IQCM: variants seen among roughly 807,000 people sequenced by gnomAD.
The protein encoded by IQCM is IQ domain-containing protein M.
Under a neutral mutation model 57.6 loss-of-function variants are expected in IQCM, and 45 were observed. That is an observed-to-expected ratio of 0.78 (90% CI 0.62 to 1.00). The LOEUF (loss-of-function observed/expected upper bound fraction) is 1.00. IQCM is among the 50% of genes least tolerant of loss of function. The pLI is 0.00. For synonymous variants in IQCM, 148 were observed against 158.9 expected (o/e 0.93, Z 0.51); for missense variants, 468 against 511.6 (o/e 0.91, Z 0.82).
At chr4:149,419,812 C>T (rs1436538461) in intron 13 of IQCM, among the ~76,000 whole-genome samples, 1 of 151,974 alleles carries the variant, frequency 6.6e-6, no homozygotes, top group African/African-American at 2.4e-5. Context: ...ACAAAAAACC[C>T]TATTAAAAAG....
chr4:149,455,875 T>A (rs950704610), intron 12 of IQCM, among the ~76,000 whole-genome samples: 4 of 151,776 alleles, frequency 2.6e-5, no homozygotes, highest in African/African-American at 9.7e-5. Context: ...CTAGGGAGAT[T>A]GAGGCAGGAG....
At chr4:149,453,381 G>A (rs552349284) in intron 12 of IQCM, among the ~76,000 whole-genome samples, 4 of 151,400 alleles carry the variant, frequency 2.6e-5, no homozygotes, top group Middle Eastern at 3.4e-3. Flanking sequence ...AAACAAAAAC[G>A]AAAAAGAAAC....
At chr4:149,701,756 T>C (rs1182499278) in intron 5 of IQCM, among the ~76,000 whole-genome samples, 4 of 151,990 alleles carry the variant, frequency 2.6e-5, no homozygotes, top group Non-Finnish European at 5.9e-5. Context: ...TAGAGTCAGA[T>C]GGGAATTTTT....
intron 13 of IQCM, among the ~76,000 whole-genome samples, chr4:149,389,034 T>C (rs905120262): frequency 5.3e-5 from 8 of 151,838 alleles, no homozygotes; most frequent in African/African-American, 1.9e-4. Context: ...TGTGCTTTTT[T>C]TGTCTCATAG....
At chr4:149,513,446 A>G (rs756196387) in intron 12 of IQCM, among the ~76,000 whole-genome samples, 3 of 152,176 alleles carry the variant, frequency 2.0e-5, no homozygotes, top group Non-Finnish European at 4.4e-5. Flanking sequence ...GAAGGACCAC[A>G]TTTATCCATT....
At chr4:149,657,256 G>C (rs1759720335) in intron 7 of IQCM, among the ~76,000 whole-genome samples, 1 of 152,114 alleles carries the variant, frequency 6.6e-6, no homozygotes, top group African/African-American at 2.4e-5. Flanking sequence ...ATATGACTGA[G>C]ATCACATGGT....
chr4:149,452,213 G>GA (rs1737193978), intron 12 of IQCM, among the ~76,000 whole-genome samples: 1 of 151,400 alleles, frequency 6.6e-6, no homozygotes, highest in African/African-American at 2.4e-5. Context: ...TAAATGGGGA[G>GA]ATATGTCATA....
intron 7 of IQCM, among the ~76,000 whole-genome samples, chr4:149,674,749 C>G (rs1761604397): frequency 6.6e-6 from 1 of 152,070 alleles, no homozygotes. Context: ...AGCAGTTGAA[C>G]ATGAGCTGGA....
chr4:149,792,009 T>C (rs1253522158), intron 2 of IQCM, among the ~76,000 whole-genome samples: 1 of 152,180 alleles, frequency 6.6e-6, no homozygotes, highest in South Asian at 2.1e-4. Flanking sequence ...ACTAAACTGA[T>C]GCAAATAGGA....
intron 9 of IQCM, among the ~76,000 whole-genome samples, chr4:149,580,735 G>A (rs1026691658): frequency 6.6e-6 from 1 of 151,698 alleles, no homozygotes; most frequent in African/African-American, 2.4e-5. Flanking sequence ...TTTCAATTTT[G>A]AAAAGTTGTT....
chr4:149,685,639 C>G (rs963205044), intron 6 of IQCM, among the ~76,000 whole-genome samples: 1 of 151,406 alleles, frequency 6.6e-6, no homozygotes, highest in African/African-American at 2.4e-5. Flanking sequence ...TGTAGCTGTG[C>G]CAATTACCCC....
intron 10 of IQCM, among the ~76,000 whole-genome samples, chr4:149,559,857 C>T (rs1246792047): frequency 6.6e-6 from 1 of 152,176 alleles, no homozygotes; most frequent in Non-Finnish European, 1.5e-5. Context: ...GGTGAGAGAG[C>T]ATTACTGCCT....
At chr4:149,813,039 A>C (rs1454451756) in intron 2 of IQCM, among the ~76,000 whole-genome samples, 6 of 152,186 alleles carry the variant, frequency 3.9e-5, no homozygotes, top group Admixed American at 2.0e-4. Context: ...CATTGCATTA[A>C]AATATTACAT....
At chr4:149,637,763 A>G (rs553794185) in intron 7 of IQCM, among the ~76,000 whole-genome samples, 2 of 152,342 alleles carry the variant, frequency 1.3e-5, no homozygotes, top group South Asian at 2.1e-4. Context: ...AAGCAATTCA[A>G]TGGAGAAGGA....
At chr4:149,484,762 T>TA (rs1454768485) in intron 12 of IQCM, among the ~76,000 whole-genome samples, 1 of 152,068 alleles carries the variant, frequency 6.6e-6, no homozygotes, top group African/African-American at 2.4e-5. Flanking sequence ...TGTGTTATAC[T>TA]ATTCTGTTAT....
intron 7 of IQCM, among the ~76,000 whole-genome samples, chr4:149,652,580 T>C (rs1012502309): frequency 2.0e-5 from 3 of 151,832 alleles, no homozygotes; most frequent in African/African-American, 7.3e-5. Flanking sequence ...GGAGAGATAA[T>C]GGTGAGACAA....
chr4:149,538,545 A>G (rs1289188378), intron 12 of IQCM, among the ~76,000 whole-genome samples: 1 of 152,034 alleles, frequency 6.6e-6, no homozygotes, highest in Non-Finnish European at 1.5e-5. Flanking sequence ...CATATCAATT[A>G]TTGTACCAAA....
intron 12 of IQCM, among the ~76,000 whole-genome samples, chr4:149,452,407 G>A (rs919872979): frequency 1.3e-5 from 2 of 150,550 alleles, no homozygotes; most frequent in Non-Finnish European, 3.0e-5. Context: ...AAAAAAAAAT[G>A]AAGAACGTAT....
At chr4:149,595,662 A>C (rs1001761793) in intron 8 of IQCM, among the ~76,000 whole-genome samples, 1 of 152,180 alleles carries the variant, frequency 6.6e-6, no homozygotes, top group Non-Finnish European at 1.5e-5. Context: ...AATGTCAATC[A>C]CTTGCACACA....
Sources: gnomAD v4.1 joint callset for allele counts (sites outside exome capture counted in the v4.1 genomes callset) on GRCh38, gnomAD v4.1.1 for gene constraint, MANE v1.5 for transcripts, NCBI Gene and HGNC (gene_info 2026-07-23, HGNC 2026-07-21) for gene names.